The following ZEB1 variants were observed in gnomAD, a reference collection of about 807,000 sequenced individuals.
The protein encoded by ZEB1 is zinc finger E-box binding homeobox 1.
Under a neutral mutation model 84.9 loss-of-function variants are expected in ZEB1, and 21 were observed. That is an observed-to-expected ratio of 0.25 (90% CI 0.18 to 0.36). ZEB1 has a LOEUF of 0.36. Ranked by LOEUF, ZEB1 falls within the 10% of genes least tolerant of loss-of-function variation. The pLI is 1.00. For synonymous variants in ZEB1, 420 were observed against 471.1 expected, an observed-to-expected ratio of 0.89 and a Z score of 1.41; for missense variants, 1,104 against 1,330.2, an observed-to-expected ratio of 0.83 and a Z score of 2.65.
intron 1 of ZEB1, chr10:31,389,615 A>G (rs1293720768): frequency 6.6e-6 from 1 of 152,108 alleles, no homozygotes; most frequent in African/African-American, 2.4e-5. Context: ...AGATGGGACA[A>G]CAAAGAAATT....
At chr10:31,495,870 G>A (rs1565115653) in intron 3 of ZEB1, 32 bp downstream of exon 3, 2 of 1,611,168 alleles carry the variant, frequency 1.2e-6, no homozygotes, top group Non-Finnish European at 1.7e-6. Context: ...TCATACCATA[G>A]CCTTTAAAAG....
rs374867798 is a variant in ZEB1 at position 31,527,314 on chromosome 10, A to G, written c.*50A>G. The G allele has an allele frequency of 4.8e-5, 74 of 1,552,498 alleles. No homozygotes were observed. Among genetic ancestry groups the G allele is most frequent in the Non-Finnish European group, 5.2e-6 (6 of 1,153,392 alleles). ...TTCTAATTGATAATGAATTTCGTTC[A>G]ATATTATCCTTGCTTTTCATGGAAA... On this transcript the variant is annotated 3_prime_UTR_variant, in exon 9 of 9. Coordinates refer to ENST00000424869, the MANE Select transcript of ZEB1 (RefSeq NM_001174096.2).
chr10:31,419,870 G>A (rs1349525446), intron 1 of ZEB1, among the ~76,000 whole-genome samples: 1 of 152,166 alleles, frequency 6.6e-6, no homozygotes, highest in Non-Finnish European at 1.5e-5. Context: ...CAAGTGGCTT[G>A]TAGTCTGGGT....
intron 1 of ZEB1, among the ~76,000 whole-genome samples, chr10:31,344,188 A>G (rs1342687754): frequency 6.6e-6 from 1 of 152,124 alleles, no homozygotes; most frequent in Non-Finnish European, 1.5e-5. Context: ...ATTAACTGAC[A>G]AATTATATTA....
intron 1 of ZEB1, among the ~76,000 whole-genome samples, chr10:31,378,861 G>A (rs1057359082): frequency 6.6e-6 from 1 of 152,020 alleles, no homozygotes; most frequent in South Asian, 2.1e-4. Flanking sequence ...TGTGCAGGTG[G>A]TAGATACACA....
At position 31,422,903 on chromosome 10, in the gene ZEB1, G is replaced by A. The variant is rs76722198; in HGVS notation, c.59-38134G>A. On this transcript the variant is annotated intron_variant, in intron 1 of 8. Transcript: ENST00000424869. The stretch of plus-strand genomic sequence containing the variant: ...GTGCCCAATGCTTAGCTCCCACTTA[G>A]AAGTAAAAACATGTAGTATTTGGTT... 5.6e-3 allele frequency among the ~76,000 whole-genome samples: 846 copies of A among 152,000 alleles called. 13 individuals are homozygous for A. The highest frequency in any genetic ancestry group is 0.02 in the African/African-American group (811 of 41,452).
chr10:31,418,225 G>A (rs1347839005), intron 1 of ZEB1, among the ~76,000 whole-genome samples: 2 of 151,890 alleles, frequency 1.3e-5, no homozygotes, highest in African/African-American at 4.8e-5. Flanking sequence ...CCTCTGAGAG[G>A]AAGGGATGGC....
chr10:31,384,388 T>C (rs1161045460), intron 1 of ZEB1, among the ~76,000 whole-genome samples: 1 of 152,200 alleles, frequency 6.6e-6, no homozygotes, highest in Non-Finnish European at 1.5e-5. Flanking sequence ...CTTACAGCCA[T>C]GTGATATTTG....
intron 1 of ZEB1, among the ~76,000 whole-genome samples, chr10:31,392,425 TA>T (rs1251756005): frequency 2.6e-5 from 4 of 152,152 alleles, no homozygotes; most frequent in Non-Finnish European, 5.9e-5. Context: ...GAACCCTAGT[TA>T]AAGAAATTCT....
At chr10:31,411,965 G>A (rs1210295656) in intron 1 of ZEB1, among the ~76,000 whole-genome samples, 1 of 152,004 alleles carries the variant, frequency 6.6e-6, no homozygotes, top group Non-Finnish European at 1.5e-5. Flanking sequence ...TTGAAAATTT[G>A]TAATTCCATT....
chr10:31,377,248 A>G (rs1380751552), intron 1 of ZEB1, among the ~76,000 whole-genome samples: 2 of 151,666 alleles, frequency 1.3e-5, no homozygotes, highest in Non-Finnish European at 3.0e-5. Context: ...CTATTAATAT[A>G]GTATCATGGT....
At chr10:31,362,463 G>A (rs1301295520) in intron 1 of ZEB1, among the ~76,000 whole-genome samples, 10 of 149,822 alleles carry the variant, frequency 6.7e-5, no homozygotes, top group Admixed American at 3.3e-4. Flanking sequence ...GGGCAGAGGC[G>A]CTCCTCACTT....
chr10:31,323,029 G>A (rs938602945), intron 1 of ZEB1, among the ~76,000 whole-genome samples: 16 of 152,138 alleles, frequency 1.1e-4, no homozygotes, highest in East Asian at 7.7e-4. Flanking sequence ...GCATTTTCTA[G>A]TTTGCCGAAA....
chr10:31,320,994 A>C (rs1433885195), intron 1 of ZEB1: 7 of 329,972 alleles, frequency 2.1e-5, no homozygotes, highest in African/African-American at 1.3e-4. Flanking sequence ...TTCCTGCGTT[A>C]TTTTTAAAAC....
chr10:31,389,031 G>C (rs540524726), intron 1 of ZEB1, among the ~76,000 whole-genome samples: 30 of 152,130 alleles, frequency 2.0e-4, no homozygotes, highest in Admixed American at 5.9e-4. Flanking sequence ...ACATACTTTA[G>C]AAAAGAAAAG....
At chr10:31,439,222 C>A (rs1286246032) in intron 1 of ZEB1, among the ~76,000 whole-genome samples, 1 of 152,046 alleles carries the variant, frequency 6.6e-6, no homozygotes, top group Non-Finnish European at 1.5e-5. Context: ...GGAAGACTTT[C>A]TATATCAGTA....
At chr10:31,400,304 CAACACAA>C (rs2051710862) in intron 1 of ZEB1, among the ~76,000 whole-genome samples, 1 of 151,982 alleles carries the variant, frequency 6.6e-6, no homozygotes, top group Admixed American at 6.6e-5. Context: ...TAAAAATAGC[CAACACAA>C]AATTTTAACA....
rs1482463472 is a variant in ZEB1 at position 31,495,926 on chromosome 10, G to C, written c.322+88G>C. ...TTCGCATTTGTGAGTCCTGAATTTA[G>C]TCCGTTTCCTTCTCTTTTATCTTAC... On this transcript the variant is annotated intron_variant, in intron 3 of 8. Coordinates refer to ENST00000424869, the MANE Select transcript of ZEB1 (RefSeq NM_001174096.2). 6.5e-6 allele frequency: 9 copies of C among 1,390,498 alleles called. No homozygotes were observed. The East Asian group carries it at 2.1e-4, about 32-fold the overall frequency. The allele number at this position is 1,390,498 out of a possible 1,614,324, so 86.1% of individuals were successfully genotyped here.
At chr10:31,444,722 G>A (rs1189454586) in intron 1 of ZEB1, among the ~76,000 whole-genome samples, 10 of 152,022 alleles carry the variant, frequency 6.6e-5, no homozygotes, top group African/African-American at 1.5e-4. Context: ...TCAGATAGTC[G>A]TAGGTATGCG....
Sources: allele counts gnomAD v4.1 joint callset (sites outside exome capture counted in the v4.1 genomes callset), GRCh38; gene constraint gnomAD v4.1.1; transcripts MANE v1.5; gene names NCBI Gene and HGNC (gene_info 2026-07-23, HGNC 2026-07-21).